Variants in ARHGAP29 observed in about 807,000 individuals in gnomAD.
The protein encoded by ARHGAP29 is rho GTPase-activating protein 29.
ARHGAP29 carries 43 observed loss-of-function variants against 122.6 expected under a neutral mutation model. The ratio of observed to expected loss-of-function variants is 0.35; its 90% confidence interval spans 0.27 to 0.45. The LOEUF (loss-of-function observed/expected upper bound fraction) is 0.45. Ranked by LOEUF, ARHGAP29 falls within the 20% of genes least tolerant of loss-of-function variation. ARHGAP29 has a pLI of 1.00. For synonymous variants in ARHGAP29, 506 were observed against 497.1 expected, an observed-to-expected ratio of 1.02 and a Z score of -0.24; for missense variants, 1,303 against 1,477.2, an observed-to-expected ratio of 0.88 and a Z score of 1.93.
At chr1:94,207,870 A>G (rs189227793) in intron 5 of ARHGAP29, among the ~76,000 whole-genome samples, 5 of 151,642 alleles carry the variant, frequency 3.3e-5, no homozygotes, top group Admixed American at 6.6e-5. Context: ...GTTTTTTTAG[A>G]GACAGAGTCG....
rs932132537 is a variant in ARHGAP29, at chr1:94,170,073, A to T, written c.*3796T>A. ...AACCAAAATAGTAATTGGTTCAGTCAAGAATTGTCAATAGACTAGCCCGTG... is the reference window on the plus strand; with the variant it reads ...AACCAAAATAGTAATTGGTTCAGTCTAGAATTGTCAATAGACTAGCCCGTG... On this transcript the variant is annotated 3_prime_UTR_variant, in exon 23 of 23. Coordinates refer to ENST00000260526, the MANE Select transcript of ARHGAP29 (RefSeq NM_004815.4). Among the ~76,000 whole-genome samples, 1 of 152,238 alleles carries T rather than the reference A, an allele frequency of 6.6e-6. No individual in the cohort carries two copies. Among genetic ancestry groups the T allele is most frequent in the African/African-American group, 2.4e-5 (1 of 41,470 alleles).
the ARHGAP29 span, among the ~76,000 whole-genome samples, chr1:94,312,312 A>G: frequency 6.7e-6 from 1 of 150,028 alleles, no homozygotes; most frequent in Admixed American, 6.6e-5. Context: ...TTAGCATTGT[A>G]CAAATCTGAT....
chr1:94,299,572 AT>A, the ARHGAP29 span, among the ~76,000 whole-genome samples: 1 of 151,958 alleles, frequency 6.6e-6, no homozygotes, highest in Non-Finnish European at 1.5e-5. Flanking sequence ...TTCTGCCACA[AT>A]TTTTTCGGTG....
upstream of ARHGAP29, among the ~76,000 whole-genome samples, chr1:94,277,551 G>C (rs1220720138): frequency 6.6e-6 from 1 of 152,074 alleles, no homozygotes; most frequent in Non-Finnish European, 1.5e-5. Context: ...CTTTTTGAAA[G>C]TACCAATTAT....
chr1:94,238,768 G>GA (rs1653456749), upstream of ARHGAP29, among the ~76,000 whole-genome samples: 1 of 152,096 alleles, frequency 6.6e-6, no homozygotes, highest in Non-Finnish European at 1.5e-5. Flanking sequence ...AATAAAAGGA[G>GA]AGACTACCCA....
intron 12 of ARHGAP29, chr1:94,195,711 A>C (rs1278643172): frequency 6.6e-6 from 1 of 152,126 alleles, no homozygotes; most frequent in East Asian, 1.9e-4. Context: ...TAGTGCCAAA[A>C]TAGATTTTTA....
chr1:94,288,052 G>C, the ARHGAP29 span, among the ~76,000 whole-genome samples: 3 of 151,912 alleles, frequency 2.0e-5, no homozygotes, highest in African/African-American at 7.3e-5. Flanking sequence ...AGTGTTTCTG[G>C]TTCTAGATCC....
At chr1:94,294,646 G>A in the ARHGAP29 span, among the ~76,000 whole-genome samples, 1 of 152,138 alleles carries the variant, frequency 6.6e-6, no homozygotes, top group African/African-American at 2.4e-5. Context: ...ACTTAGAGAT[G>A]ATAGGTGTAT....
upstream of ARHGAP29, among the ~76,000 whole-genome samples, chr1:94,241,262 C>T (rs1488262540): frequency 6.6e-6 from 1 of 152,102 alleles, no homozygotes. Context: ...GTGATTTCTT[C>T]AACAAATAAA....
In ARHGAP29 at chr1:94,185,343, T is replaced by C. The variant is rs1379959384; in HGVS notation, c.1919A>G (p.Glu640Gly). The change falls in exon 17 of 23, where the codon GAG (glutamate) becomes GGG (glycine). Residue 640 changes from glutamate to glycine, a missense_variant and splice_region_variant. Transcript: ENST00000260526. ...IVVFQGVECE[E>G]CLLVCHRKCL... ...AACACAATTCCACAAAGATCTTACC[T>C]CTTCACATTCAACACCTTGGAACAC... The C allele has an allele frequency of 6.3e-7, 1 of 1,591,570 alleles. No homozygotes were observed. Among genetic ancestry groups the C allele is most frequent in the Non-Finnish European group, 8.5e-7 (1 of 1,171,630 alleles).
chr1:94,216,187 AT>A (rs1457258128), intron 3 of ARHGAP29, among the ~76,000 whole-genome samples: 1 of 152,238 alleles, frequency 6.6e-6, no homozygotes, highest in African/African-American at 2.4e-5. Flanking sequence ...TTGCATGACT[AT>A]TTATTGAAGC....
At chr1:94,290,567 T>C in the ARHGAP29 span, among the ~76,000 whole-genome samples, 5 of 152,372 alleles carry the variant, frequency 3.3e-5, no homozygotes, top group East Asian at 9.6e-4. Flanking sequence ...TTTAGTGCTA[T>C]AAATTTCCCT....
intron 1 of ARHGAP29, among the ~76,000 whole-genome samples, chr1:94,247,333 AGCTTCTCCCCTGCTGCCCGCCG>A (rs1307018487): frequency 1.3e-5 from 2 of 151,984 alleles, no homozygotes; most frequent in East Asian, 3.9e-4. Flanking sequence ...CCACCCGGCC[AGCTTCTCCCCTGCTGCCCGCCG>A]GCGTCACACA....
chr1:94,292,513 T>C, the ARHGAP29 span, among the ~76,000 whole-genome samples: 1 of 152,220 alleles, frequency 6.6e-6, no homozygotes, highest in African/African-American at 2.4e-5. Flanking sequence ...AGGAGTTGTG[T>C]TCCTTTGGAG....
rs77865902 is a variant in ARHGAP29 at position 94,252,799 on chromosome 1, C to A, written c.-32-21156G>T. On this transcript the variant is annotated intron_variant and NMD_transcript_variant, in intron 1 of 25. Transcript: ENST00000552844. ...ATTTTCCACGATTGTTTTTTTCTTT[C>A]ATCGATTCACCAAATGGTGACTAGA... Among the ~76,000 whole-genome samples the A allele has an allele frequency of 1.5e-3, 233 of 151,460 alleles. 2 individuals carry two copies. In the East Asian group the frequency reaches 0.038, roughly 25 times the overall value.
chr1:94,220,209 T>C, intron 3 of ARHGAP29, 49 bp downstream of exon 3: 1 of 1,607,262 alleles, frequency 6.2e-7, no homozygotes, highest in Non-Finnish European at 8.5e-7. Context: ...AATATATCAC[T>C]TGGCTCCTTT....
chr1:94,277,881 G>A (rs150621437), upstream of ARHGAP29, among the ~76,000 whole-genome samples: 3 of 152,330 alleles, frequency 2.0e-5, no homozygotes, highest in East Asian at 1.9e-4. Context: ...TTGCTGATGG[G>A]TTCTCCAAGG....
chr1:94,279,547 A>G (rs1655286221), upstream of ARHGAP29, among the ~76,000 whole-genome samples: 1 of 152,248 alleles, frequency 6.6e-6, no homozygotes. Context: ...CTTTCCAAGT[A>G]GAATGGAGCT....
At chr1:94,201,020 C>T (rs1337223627) in intron 12 of ARHGAP29, among the ~76,000 whole-genome samples, 1 of 152,080 alleles carries the variant, frequency 6.6e-6, no homozygotes, top group Non-Finnish European at 1.5e-5. Flanking sequence ...AAAAGGTTTT[C>T]CATGTAATTA....
Sources: allele counts gnomAD v4.1 joint callset (sites outside exome capture counted in the v4.1 genomes callset), GRCh38; gene constraint gnomAD v4.1.1; transcripts MANE v1.5; gene names NCBI Gene and HGNC (gene_info 2026-07-23, HGNC 2026-07-21).